The following ITFG2 variants were observed in gnomAD, a reference collection of about 807,000 sequenced individuals.
ITFG2 encodes KICSTOR complex protein ITFG2.
ITFG2 carries 36 observed loss-of-function variants against 54.4 expected under a neutral mutation model. The observed-to-expected ratio is 0.66, with a 90% CI of 0.51 to 0.87. The LOEUF (loss-of-function observed/expected upper bound fraction) is 0.87, where lower values mean the gene tolerates loss of function less well. ITFG2 is among the 40% of genes least tolerant of loss of function. The pLI, the probability that ITFG2 is intolerant of heterozygous loss-of-function variation, is 0.00. For synonymous variants in ITFG2, 211 were observed against 225.4 expected (o/e 0.94, Z 0.57); for missense variants, 524 against 576.7 (o/e 0.91, Z 0.94).
chr12:2,851,621 G>A (rs1426110556), intron 2 of ITFG2, among the ~76,000 whole-genome samples: 1 of 152,104 alleles, frequency 6.6e-6, no homozygotes, highest in Non-Finnish European at 1.5e-5. Context: ...GGGATTACAG[G>A]CGTGAGCCAC....
chr12:2,826,926 C>G, downstream of ITFG2: 1 of 1,220,354 alleles, frequency 8.2e-7, no homozygotes, highest in Non-Finnish European at 1.0e-6. Flanking sequence ...AGGTTCCTAT[C>G]TGTGGTCTTG....
intron 10 of ITFG2, 35 bp from the exon 11 acceptor site, chr12:2,823,735 T>G: frequency 1.3e-6 from 2 of 1,519,770 alleles, no homozygotes; most frequent in Non-Finnish European, 1.8e-6. Flanking sequence ...GCACTGAAAC[T>G]TCCTGACCTT....
chr12:2,819,855 G>A, intron 4 of ITFG2: 1 of 392,754 alleles, frequency 2.5e-6, no homozygotes. Context: ...TGAGTTGCAT[G>A]TTTGAGAAGT....
chr12:2,817,081 T>G, intron 1 of ITFG2, 142 bp from the exon 2 acceptor site: 3 of 597,732 alleles, frequency 5.0e-6, no homozygotes, highest in Non-Finnish European at 6.1e-6. Context: ...TGTGAGTCAT[T>G]GCACCTGGCC....
At chr12:2,822,771 C>A in intron 9 of ITFG2, 23 bp from the exon 10 acceptor site, 1 of 1,599,096 alleles carries the variant, frequency 6.3e-7, no homozygotes, top group Middle Eastern at 1.7e-4. Flanking sequence ...CTTTATGTTC[C>A]TTTTGTCTCT....
chr12:2,817,949 A>G lies in ITFG2; in HGVS notation c.233A>G (p.Lys78Arg). The G allele has an allele frequency of 6.2e-7, 1 of 1,613,732 alleles. No individual in the cohort carries two copies. Among genetic ancestry groups the G allele is most frequent in the Non-Finnish European group, 8.5e-7 (1 of 1,179,860 alleles). Residue 78 changes from lysine to arginine, a missense_variant and splice_region_variant, in exon 3 of 12, where the codon AAG (lysine) becomes AGG (arginine). By Grantham distance (26) the Lys-to-Arg change is conservative (BLOSUM62 2). Coordinates refer to ENST00000228799, the MANE Select transcript of ITFG2 (RefSeq NM_018463.4). ...VGVGDVCNKG[K>R]NLLVAVSAEG... ...GTTGGAGACGTGTGTAATAAAGGAA[A>G]GGTAAGAACTATAGGGGACCTTCCT... is the stretch of plus-strand genomic sequence containing the variant.
chr12:2,827,343 AC>A (rs1190809459), downstream of ITFG2: 2 of 1,588,270 alleles, frequency 1.3e-6, no homozygotes, highest in African/African-American at 2.7e-5. The surrounding 1 kb of genome is among the most constrained non-coding windows in gnomAD (Gnocchi z 4.0). Flanking sequence ...TCAGCCCGCC[AC>A]CTGCCTCCCG....
At chr12:2,821,815 C>T in intron 9 of ITFG2, 23 bp downstream of exon 9, 1 of 1,560,562 alleles carries the variant, frequency 6.4e-7, no homozygotes, top group Non-Finnish European at 8.8e-7. Flanking sequence ...CCTGGCAGAG[C>T]AGAGCATTCC....
At chr12:2,859,043 T>C in intron 3 of ITFG2, 1 of 1,609,510 alleles carries the variant, frequency 6.2e-7, no homozygotes, top group Non-Finnish European at 8.5e-7. Context: ...CTACTTTGGC[T>C]GGGGGCGTGA....
At chr12:2,849,472 A>G (rs1320576705) in intron 2 of ITFG2, 4 of 1,536,198 alleles carry the variant, frequency 2.6e-6, no homozygotes, top group Non-Finnish European at 3.5e-6. Context: ...CGGGTTGGGC[A>G]TGAGCTGGAG....
intron 4 of ITFG2, 26 bp downstream of exon 4, chr12:2,818,303 G>C (rs759146836): frequency 6.2e-7 from 1 of 1,608,712 alleles, no homozygotes. Flanking sequence ...TTTGCAGGCA[G>C]CCAGGAGAGT....
In ITFG2 at chr12:2,823,817, G is replaced by C. The variant is rs1420221223; in HGVS notation, c.1114G>C (p.Val372Leu). The C allele has an allele frequency of 6.2e-7, 1 of 1,605,508 alleles. No individual in the cohort carries two copies. The highest frequency in any genetic ancestry group is 1.3e-5 in the African/African-American group (1 of 74,756). The change falls in exon 11 of 12, where the codon GTC (valine) becomes CTC (leucine). Residue 372 changes from valine (V) to leucine (L), a missense_variant. Val to Leu is a conservative substitution (Grantham distance 32, BLOSUM62 1). Coordinates refer to ENST00000228799, the MANE Select transcript of ITFG2 (RefSeq NM_018463.4). ...CCGCAACAGCCCCTGCCTCGTATAT[G>C]TCACTTTCAACCAGAAGATCTATGT... ...EGRNSPCLVY[V>L]TFNQKIYVYW...
At chr12:2,830,936 A>C, downstream of ITFG2, 1 of 1,493,098 alleles carries the variant, frequency 6.7e-7, no homozygotes, top group Non-Finnish European at 9.1e-7. Flanking sequence ...CCCCACTTAG[A>C]TACCCCAGGA....
At chr12:2,828,567 C>T (rs1223078354), downstream of ITFG2, among the ~76,000 whole-genome samples, 5 of 152,154 alleles carry the variant, frequency 3.3e-5, no homozygotes, top group African/African-American at 7.2e-5. Context: ...GGGCCAGGCG[C>T]GGTAGCTCAC....
upstream of ITFG2, among the ~76,000 whole-genome samples, chr12:2,832,081 C>T (rs555616220): frequency 2.6e-5 from 4 of 152,270 alleles, no homozygotes; most frequent in African/African-American, 9.6e-5. Context: ...AGATCAGCAA[C>T]TTTAACATCA....
At chr12:2,857,030 T>G in intron 2 of ITFG2, 1 of 702,956 alleles carries the variant, frequency 1.4e-6, no homozygotes, top group Non-Finnish European at 2.6e-6. Flanking sequence ...TGGCCATTCT[T>G]CTGGGCCTCA....
intron 1 of ITFG2, among the ~76,000 whole-genome samples, chr12:2,839,406 T>A (rs1177322232): frequency 6.6e-6 from 1 of 152,132 alleles, no homozygotes; most frequent in Non-Finnish European, 1.5e-5. Flanking sequence ...TTCTGAACCG[T>A]TAGGAGTAGA....
chr12:2,829,715 T>C (rs2097990242), downstream of ITFG2, among the ~76,000 whole-genome samples: 1 of 151,840 alleles, frequency 6.6e-6, no homozygotes, highest in South Asian at 2.1e-4. Context: ...TGCAATGAGC[T>C]CTGATCATGC....
At position 2,812,680 on chromosome 12, in the gene ITFG2, C is replaced by A. The variant is rs770616683; in HGVS notation, c.-81C>A. On this transcript the variant is annotated 5_prime_UTR_variant, in exon 1 of 12. Transcript: ENST00000228799. ...GACGTAACTTGCTGCCTTAGGTGGC[C>A]TTCCGCTCTGGCGGCTGTCGCGACG... The A allele has an allele frequency of 8.2e-7, 1 of 1,219,574 alleles. No individual in the cohort carries two copies. Among genetic ancestry groups the A allele is most frequent in the Non-Finnish European group, 1.2e-6 (1 of 828,324 alleles). The allele number at this position is 1,219,574 out of a possible 1,614,324, so 75.5% of individuals were successfully genotyped here.
Sources: allele counts gnomAD v4.1 joint callset (sites outside exome capture counted in the v4.1 genomes callset), GRCh38; gene constraint gnomAD v4.1.1; non-coding constraint Gnocchi (gnomAD v3.1); transcripts MANE v1.5; gene names NCBI Gene and HGNC (gene_info 2026-07-23, HGNC 2026-07-21).